RBFOX1: variants seen among roughly 807,000 people sequenced by gnomAD.
The protein encoded by RBFOX1 is RNA binding protein fox-1 homolog 1.
RBFOX1 carries 8 observed loss-of-function variants against 57.7 expected under a neutral mutation model. The ratio of observed to expected loss-of-function variants is 0.14; its 90% confidence interval spans 0.08 to 0.25. The LOEUF is 0.25. Ranked by LOEUF, RBFOX1 falls within the 10% of genes least tolerant of loss-of-function variation. The pLI, the probability that RBFOX1 is intolerant of heterozygous loss-of-function variation, is 1.00. For synonymous variants in RBFOX1, 326 were observed against 222.4 expected (o/e 1.47, Z -4.15); for missense variants, 611 against 548.5 (o/e 1.11, Z -1.14).
chr16:6,979,087 A>G (rs1233067523), intron 3 of RBFOX1, among the ~76,000 whole-genome samples: 1 of 152,216 alleles, frequency 6.6e-6, no homozygotes, highest in Non-Finnish European at 1.5e-5. Context: ...TAGCACCAAT[A>G]TGTTCAACAT....
intron 1 of RBFOX1, among the ~76,000 whole-genome samples, chr16:5,318,767 C>A (rs111939352): frequency 7.7e-4 from 117 of 152,246 alleles, no homozygotes; most frequent in African/African-American, 2.8e-3. Flanking sequence ...ATATTAAGGT[C>A]TCAGTTTGGC....
chr16:7,490,139 T>C (rs1317142144), intron 4 of RBFOX1, among the ~76,000 whole-genome samples: 1 of 152,212 alleles, frequency 6.6e-6, no homozygotes, highest in African/African-American at 2.4e-5. Context: ...CAGAACTTCC[T>C]TCAGTCTTCT....
chr16:6,019,493 C>T lies in RBFOX1; in HGVS notation c.-626C>T, dbSNP rs1397364474. Reference sequence around the variant, plus strand: ...GGAATCCCTCCCCCTCCGCCCCAGCCCCCCAGCAGCACCCGCGGTGGGGCG... The same window carrying T: ...GGAATCCCTCCCCCTCCGCCCCAGCTCCCCAGCAGCACCCGCGGTGGGGCG... On this transcript the variant is annotated 5_prime_UTR_variant, in exon 1 of 16. Transcript: ENST00000550418. This position sits in a 1 kb window ranked among gnomAD's most constrained non-coding sequence, Gnocchi z 4.2. 9.8e-7 allele frequency: 1 copy of T among 1,017,812 alleles called. No individual in the cohort carries two copies. Among genetic ancestry groups the T allele is most frequent in the Non-Finnish European group, 1.2e-6 (1 of 851,320 alleles). The allele number at this position is 1,017,812 out of a possible 1,614,324, so 63.0% of individuals were successfully genotyped here. A position where few individuals can be genotyped will look rare whatever the true frequency, so the allele number is the denominator to read the frequency against.
chr16:6,469,226 A>T (rs1326663893), intron 2 of RBFOX1, among the ~76,000 whole-genome samples: 1 of 152,214 alleles, frequency 6.6e-6, no homozygotes, highest in Non-Finnish European at 1.5e-5. Flanking sequence ...AGAGAAGTAG[A>T]GGGAAAATAA....
At chr16:7,182,462 T>G (rs1318425488) in intron 4 of RBFOX1, among the ~76,000 whole-genome samples, 1 of 152,252 alleles carries the variant, frequency 6.6e-6, no homozygotes, top group Non-Finnish European at 1.5e-5. Flanking sequence ...GCTGAATTTC[T>G]GTTGTCTGTT....
intron 3 of RBFOX1, among the ~76,000 whole-genome samples, chr16:5,694,488 T>C (rs1376127236): frequency 6.6e-6 from 1 of 152,164 alleles, no homozygotes; most frequent in Non-Finnish European, 1.5e-5. Context: ...TAGGCATTTC[T>C]GGGGTGATTT....
At chr16:6,003,973 A>G (rs559835733) in intron 4 of RBFOX1, among the ~76,000 whole-genome samples, 4 of 152,314 alleles carry the variant, frequency 2.6e-5, no homozygotes, top group South Asian at 4.2e-4. Flanking sequence ...CAGCAGGCCA[A>G]ACTTTGGGTT....
At chr16:5,562,251 G>A (rs1313979309) in intron 2 of RBFOX1, among the ~76,000 whole-genome samples, 2 of 152,140 alleles carry the variant, frequency 1.3e-5, no homozygotes, top group East Asian at 1.9e-4. Context: ...GAAATTGGAG[G>A]TCTGCAGTTA....
intron 2 of RBFOX1, among the ~76,000 whole-genome samples, chr16:6,624,874 C>T (rs1350242862): frequency 6.6e-6 from 1 of 152,046 alleles, no homozygotes; most frequent in African/African-American, 2.4e-5. Context: ...TAAGAAATGA[C>T]ATTCTGGGCT....
intron 3 of RBFOX1, among the ~76,000 whole-genome samples, chr16:5,615,261 A>G (rs1383326526): frequency 6.6e-6 from 1 of 152,006 alleles, no homozygotes; most frequent in Non-Finnish European, 1.5e-5. Flanking sequence ...TAATTCCTGG[A>G]CTCAATTGAT....
chr16:6,746,395 C>T (rs116826287), intron 3 of RBFOX1, among the ~76,000 whole-genome samples: 3,949 of 152,144 alleles, frequency 0.026, 174 homozygotes, highest in African/African-American at 0.089. Flanking sequence ...GAAAGTGGTG[C>T]GCTGGGCATG....
intron 3 of RBFOX1, among the ~76,000 whole-genome samples, chr16:5,726,962 A>T (rs1425238645): frequency 6.6e-6 from 1 of 152,132 alleles, no homozygotes; most frequent in Non-Finnish European, 1.5e-5. Context: ...CCGTGAATTC[A>T]AACCTCGATG....
intron 2 of RBFOX1, among the ~76,000 whole-genome samples, chr16:6,583,679 A>G (rs1600599936): frequency 2.0e-5 from 3 of 152,286 alleles, no homozygotes; most frequent in Admixed American, 2.0e-4. Flanking sequence ...TCACAGTGCA[A>G]TTTCTTGTGG....
At chr16:6,312,150 A>G (rs903246357) in intron 1 of RBFOX1, among the ~76,000 whole-genome samples, 2 of 152,174 alleles carry the variant, frequency 1.3e-5, no homozygotes, top group African/African-American at 4.8e-5. Flanking sequence ...TTTGCTAGCA[A>G]CAGAAATCCA....
chr16:7,282,031 A>ATT (rs59995676), intron 4 of RBFOX1, among the ~76,000 whole-genome samples: 3 of 150,928 alleles, frequency 2.0e-5, no homozygotes, highest in East Asian at 2.0e-4. Flanking sequence ...ACGCCTGGCA[A>ATT]TTTTTTTTTG....
intron 3 of RBFOX1, among the ~76,000 whole-genome samples, chr16:6,976,855 A>G (rs2087036262): frequency 2.4e-5 from 1 of 42,510 alleles, no homozygotes; most frequent in Non-Finnish European, 4.1e-5. Context: ...GATGTATATC[A>G]CATATATATC....
chr16:5,462,664 A>G (rs1334236783), intron 1 of RBFOX1, among the ~76,000 whole-genome samples: 1 of 152,196 alleles, frequency 6.6e-6, no homozygotes, highest in African/African-American at 2.4e-5. Flanking sequence ...TAAATACATT[A>G]TGATGCATCC....
intron 10 of RBFOX1, among the ~76,000 whole-genome samples, chr16:7,617,064 A>G (rs1005469409): frequency 6.6e-6 from 1 of 152,156 alleles, no homozygotes; most frequent in Non-Finnish European, 1.5e-5. Flanking sequence ...TGATGATGGC[A>G]TAAGAAACAT....
intron 3 of RBFOX1, among the ~76,000 whole-genome samples, chr16:6,703,282 G>A (rs1448011878): frequency 6.7e-6 from 1 of 149,196 alleles, no homozygotes; most frequent in Non-Finnish European, 1.5e-5. Flanking sequence ...TCATTTCATA[G>A]ATAAGAAAGT....
Sources: gnomAD v4.1 joint callset for allele counts (sites outside exome capture counted in the v4.1 genomes callset) on GRCh38, gnomAD v4.1.1 for gene constraint, Gnocchi (gnomAD v3.1) non-coding constraint, MANE v1.5 for transcripts, NCBI Gene and HGNC (gene_info 2026-07-23, HGNC 2026-07-21) for gene names.